Variants in STOM observed in about 807,000 individuals in gnomAD.
The protein encoded by STOM is erythrocyte band 7 integral membrane protein.
A neutral mutation model predicts 30.6 loss-of-function variants in STOM; 25 were observed. The observed-to-expected ratio is 0.82, with a 90% CI of 0.60 to 1.14. The LOEUF (loss-of-function observed/expected upper bound fraction) is 1.14, where lower values mean the gene tolerates loss of function less well. Ranked by LOEUF, STOM falls within the 50% of genes most tolerant of loss-of-function variation. The pLI, the probability that STOM is intolerant of heterozygous loss-of-function variation, is 0.00. For synonymous variants in STOM, 118 were observed against 130.8 expected (o/e 0.90, Z 0.67); for missense variants, 292 against 365.2 (o/e 0.80, Z 1.63).
At chr9:121,348,498 A>G (rs530294225) in intron 5 of STOM, among the ~76,000 whole-genome samples, 3 of 152,348 alleles carry the variant, frequency 2.0e-5, no homozygotes, top group Admixed American at 6.5e-5. Flanking sequence ...TACTTACAAA[A>G]ACTACAGCCT....
chr9:121,362,495 G>A (rs894634665), intron 1 of STOM, among the ~76,000 whole-genome samples: 2 of 151,958 alleles, frequency 1.3e-5, no homozygotes, highest in Non-Finnish European at 1.5e-5. Flanking sequence ...TTCTCACTTA[G>A]AAACTGCTGC....
intron 2 of STOM, 47 bp downstream of exon 2, chr9:121,356,006 G>A (rs1202589577): frequency 3.4e-6 from 5 of 1,474,042 alleles, no homozygotes; most frequent in Non-Finnish European, 4.7e-6. Context: ...TAGGTTTATG[G>A]AGGTAGGAGT....
chr9:121,365,429 T>G (rs2064493333), intron 1 of STOM, among the ~76,000 whole-genome samples: 1 of 151,398 alleles, frequency 6.6e-6, no homozygotes, highest in African/African-American at 2.4e-5. Context: ...AAATTTCATC[T>G]AGGCCTGAAA....
chr9:121,350,163 T>C (rs1330102090), intron 4 of STOM, among the ~76,000 whole-genome samples: 1 of 152,164 alleles, frequency 6.6e-6, no homozygotes, highest in Non-Finnish European at 1.5e-5. Flanking sequence ...TAGATAATAA[T>C]AAACAAGCCA....
intron 6 of STOM, among the ~76,000 whole-genome samples, chr9:121,343,412 C>T (rs150558383): frequency 2.0e-4 from 31 of 152,228 alleles, no homozygotes; most frequent in Middle Eastern, 3.4e-3. Flanking sequence ...AGTGGAATCC[C>T]TAGCCTTCTT....
At chr9:121,351,113 C>T (rs142789256) in intron 4 of STOM, among the ~76,000 whole-genome samples, 36 of 152,314 alleles carry the variant, frequency 2.4e-4, no homozygotes, top group African/African-American at 7.9e-4. Context: ...CTGCCAAGTT[C>T]CAATCTGCTT....
chr9:121,349,014 T>G, intron 5 of STOM, 106 bp downstream of exon 5: 10 of 1,316,638 alleles, frequency 7.6e-6, no homozygotes, highest in South Asian at 1.5e-5. Flanking sequence ...AAAAAAACGG[T>G]CACAGACCCC....
chr9:121,360,750 G>A (rs1242105982), intron 1 of STOM, among the ~76,000 whole-genome samples: 2 of 152,062 alleles, frequency 1.3e-5, no homozygotes, highest in African/African-American at 2.4e-5. Context: ...TGATCTACAT[G>A]AGGACAAGCC....
At chr9:121,362,065 G>T (rs1369954341) in intron 1 of STOM, among the ~76,000 whole-genome samples, 1 of 152,126 alleles carries the variant, frequency 6.6e-6, no homozygotes, top group Non-Finnish European at 1.5e-5. Context: ...CAAAATGGCA[G>T]TAGAATAAAC....
At chr9:121,359,597 GT>G (rs2064430709) in intron 1 of STOM, among the ~76,000 whole-genome samples, 2 of 152,176 alleles carry the variant, frequency 1.3e-5, no homozygotes, top group Non-Finnish European at 2.9e-5. Flanking sequence ...ATTTTTTAAA[GT>G]TACTTTAGAC....
At chr9:121,341,481 G>A (rs7853284) in intron 6 of STOM, 73 bp from the exon 7 acceptor site, 89,231 of 1,594,440 alleles carry the variant, frequency 0.056, 4,510 homozygotes, top group African/African-American at 0.23. Context: ...TCAACCGGGG[G>A]TATGTATACC....
chr9:121,351,425 TC>T, intron 4 of STOM, among the ~76,000 whole-genome samples: 1 of 152,230 alleles, frequency 6.6e-6, no homozygotes, highest in Non-Finnish European at 1.5e-5. Context: ...ACAAGGAAGT[TC>T]CTAAGCTGGT....
At chr9:121,349,021 C>A (rs1472421849) in intron 5 of STOM, 99 bp downstream of exon 5, 2 of 1,355,854 alleles carry the variant, frequency 1.5e-6, no homozygotes, top group South Asian at 2.9e-5. Flanking sequence ...CGGTCACAGA[C>A]CCCCACAACT....
At chr9:121,342,771 A>G (rs1482512609) in intron 6 of STOM, among the ~76,000 whole-genome samples, 1 of 152,242 alleles carries the variant, frequency 6.6e-6, no homozygotes, top group Non-Finnish European at 1.5e-5. Flanking sequence ...TTCAAGATGA[A>G]AAATTTTTAC....
In STOM at chr9:121,340,562, C is replaced by A; in HGVS notation, c.*640G>T. On this transcript the variant is annotated 3_prime_UTR_variant, in exon 7 of 7. Transcript: ENST00000286713. Reference sequence around the variant, plus strand: ...GACTAGCCTGGCCAACATGGTGAAACCCCGTCTCTACTAAAAAACAATAAT... The same window carrying A: ...GACTAGCCTGGCCAACATGGTGAAAACCCGTCTCTACTAAAAAACAATAAT... 1.6e-6 allele frequency: 1 copy of A among 621,824 alleles called. No individual in the cohort carries two copies. The highest frequency in any genetic ancestry group is 2.0e-6 in the Non-Finnish European group (1 of 498,064). The allele number at this position is 621,824 out of a possible 1,614,324, so 38.5% of individuals were successfully genotyped here. A position where few individuals can be genotyped will look rare whatever the true frequency, so the allele number is the denominator to read the frequency against.
intron 1 of STOM, 169 bp downstream of exon 1, chr9:121,369,958 C>T: frequency 1.6e-6 from 1 of 610,784 alleles, no homozygotes; most frequent in Non-Finnish European, 2.8e-6. Context: ...CCTCAGTCTG[C>T]CAAACAGGGT....
At chr9:121,347,958 T>C in intron 6 of STOM, 57 bp downstream of exon 6, 1 of 1,531,018 alleles carries the variant, frequency 6.5e-7, no homozygotes, top group Non-Finnish European at 8.8e-7. Flanking sequence ...CGTTTTTTTA[T>C]AATTATTAAT....
intron 6 of STOM, among the ~76,000 whole-genome samples, chr9:121,347,607 G>A (rs1296642956): frequency 1.3e-5 from 2 of 152,174 alleles, no homozygotes; most frequent in African/African-American, 2.4e-5. Context: ...CACTTGCTCC[G>A]AAGTTGGAAC....
chr9:121,363,491 C>A (rs1001616307), intron 1 of STOM, among the ~76,000 whole-genome samples: 1 of 152,142 alleles, frequency 6.6e-6, no homozygotes, highest in Non-Finnish European at 1.5e-5. Flanking sequence ...TTGGGCTTTG[C>A]AGTCTGTTGC....
Sources: gnomAD v4.1 joint callset for allele counts (sites outside exome capture counted in the v4.1 genomes callset) on GRCh38, gnomAD v4.1.1 for gene constraint, MANE v1.5 for transcripts, NCBI Gene and HGNC (gene_info 2026-07-23, HGNC 2026-07-21) for gene names.